Variants in HDAC4 observed in about 807,000 individuals in gnomAD.
HDAC4 encodes the protein histone deacetylase 4, also known as histone deacetylase A.
In HDAC4, 16 loss-of-function variants were observed where a neutral mutation model predicts 135.1. The observed-to-expected ratio is 0.12, with a 90% CI of 0.08 to 0.18. The LOEUF (loss-of-function observed/expected upper bound fraction) is 0.18. Ranked by LOEUF, HDAC4 falls within the 10% of genes least tolerant of loss-of-function variation. The probability of loss-of-function intolerance (pLI) is 1.00; values close to 1 mark genes in which losing one functional copy is unlikely to be tolerated. For missense variants in HDAC4, 1,143 were observed against 1,511.8 expected, an observed-to-expected ratio of 0.76 and a Z score of 4.05; for synonymous variants, 685 against 653.4, an observed-to-expected ratio of 1.05 and a Z score of -0.74.
chr2:239,315,035 C>T (rs986236359), intron 2 of HDAC4, among the ~76,000 whole-genome samples: 7 of 152,192 alleles, frequency 4.6e-5, no homozygotes, highest in African/African-American at 9.7e-5. Context: ...GAGGCTTCGT[C>T]GGCATGGTAA....
At chr2:239,179,531 G>A (rs537090728) in intron 4 of HDAC4, among the ~76,000 whole-genome samples, 35 of 152,238 alleles carry the variant, frequency 2.3e-4, no homozygotes, top group African/African-American at 8.2e-4. Context: ...GTTTCATCCC[G>A]AAACCATTCT....
chr2:239,133,882 C>G (rs1014529370), intron 11 of HDAC4, among the ~76,000 whole-genome samples: 8 of 152,238 alleles, frequency 5.3e-5, no homozygotes, highest in African/African-American at 1.9e-4. Context: ...CTCCCCCAGA[C>G]AGTGCACATT....
chr2:239,199,128 G>A (rs1437708637), intron 3 of HDAC4, among the ~76,000 whole-genome samples: 1 of 114,594 alleles, frequency 8.7e-6, no homozygotes, highest in Admixed American at 1.0e-4. Flanking sequence ...CCCCCACCCC[G>A]ATAATTTATT....
intron 2 of HDAC4, among the ~76,000 whole-genome samples, chr2:239,284,609 T>A (rs1032441890): frequency 6.6e-6 from 1 of 152,156 alleles, no homozygotes; most frequent in East Asian, 1.9e-4. Context: ...AAAGGCAAGA[T>A]GCCCCTGCAT....
intron 2 of HDAC4, among the ~76,000 whole-genome samples, chr2:239,248,234 G>A (rs550039074): frequency 6.6e-6 from 1 of 151,632 alleles, no homozygotes; most frequent in Non-Finnish European, 1.5e-5. Context: ...AGGCTGAAGT[G>A]CAGTGGCGTG....
chr2:239,058,136 G>A (rs1369316192), intron 24 of HDAC4, among the ~76,000 whole-genome samples: 1 of 152,238 alleles, frequency 6.6e-6, no homozygotes, highest in South Asian at 2.1e-4. Flanking sequence ...GGCTGGCCCA[G>A]TCCGGGCTTT....
chr2:239,291,953 C>T (rs561709117), intron 2 of HDAC4, among the ~76,000 whole-genome samples: 1 of 152,356 alleles, frequency 6.6e-6, no homozygotes, highest in Non-Finnish European at 1.5e-5. Context: ...AGCACAGCAA[C>T]TGATGGGGCA....
chr2:239,137,260 C>T (rs950719503), intron 9 of HDAC4, among the ~76,000 whole-genome samples: 6 of 152,332 alleles, frequency 3.9e-5, no homozygotes, highest in African/African-American at 1.2e-4. Context: ...CTGGCGCCCC[C>T]GGACCGCATC....
At chr2:239,258,148 A>G (rs2125057693) in intron 2 of HDAC4, among the ~76,000 whole-genome samples, 1 of 152,288 alleles carries the variant, frequency 6.6e-6, no homozygotes, top group East Asian at 1.9e-4. Flanking sequence ...GAAATTAAGG[A>G]CTCCATCATT....
intron 22 of HDAC4, among the ~76,000 whole-genome samples, chr2:239,074,078 C>T (rs1011814323): frequency 6.7e-6 from 1 of 149,580 alleles, no homozygotes; most frequent in East Asian, 2.0e-4. Flanking sequence ...ACTGAGGGGG[C>T]CACAGGACTG....
At chr2:239,346,592 C>T (rs1255347261) in intron 2 of HDAC4, among the ~76,000 whole-genome samples, 1 of 148,712 alleles carries the variant, frequency 6.7e-6, no homozygotes, top group Non-Finnish European at 1.5e-5. Flanking sequence ...ATAACACACA[C>T]ACCTGTCTAA....
At chr2:239,300,056 T>A (rs2052159554) in intron 2 of HDAC4, among the ~76,000 whole-genome samples, 1 of 152,142 alleles carries the variant, frequency 6.6e-6, no homozygotes, top group Non-Finnish European at 1.5e-5. Context: ...CTAAGTGAAC[T>A]CCTCTAGGGC....
chr2:239,051,134 G>T lies in HDAC4; in HGVS notation c.*1963C>A, dbSNP rs13383500. The T allele has an allele frequency of 0.13, 19,567 of 152,602 alleles. 1,398 individuals are homozygous for T. Among genetic ancestry groups the T allele is most frequent in the Non-Finnish European group, 0.17 (11,309 of 67,998 alleles). The allele number at this position is 152,602 out of a possible 1,614,324, so 9.5% of individuals were successfully genotyped here. On this transcript the variant is annotated 3_prime_UTR_variant, in exon 27 of 27. Transcript: ENST00000543185. ...CCCCGGCATCTGGCAAGCCTCCCAGGGTGGCCGGGCATCCTAAGCAACCCT... is the reference window on the plus strand; with the variant it reads ...CCCCGGCATCTGGCAAGCCTCCCAGTGTGGCCGGGCATCCTAAGCAACCCT...
chr2:239,367,437 A>G (rs1456400397), intron 1 of HDAC4, among the ~76,000 whole-genome samples: 5 of 152,182 alleles, frequency 3.3e-5, no homozygotes, highest in African/African-American at 9.6e-5. Flanking sequence ...CAAATGAGTA[A>G]GCACGTTTTT....
chr2:239,065,817 C>T (rs550208423), intron 24 of HDAC4, among the ~76,000 whole-genome samples: 8 of 152,336 alleles, frequency 5.3e-5, no homozygotes, highest in Non-Finnish European at 7.4e-5. Context: ...GGACACCCAG[C>T]GCAGGCAGCC....
chr2:239,322,517 G>A (rs879409746), intron 2 of HDAC4, among the ~76,000 whole-genome samples: 5 of 152,208 alleles, frequency 3.3e-5, no homozygotes, highest in Non-Finnish European at 5.9e-5. Flanking sequence ...CTCCATCACT[G>A]CCAGCCATAT....
chr2:239,101,152 C>T (rs6755496), intron 16 of HDAC4, among the ~76,000 whole-genome samples: 30,531 of 152,106 alleles, frequency 0.2, 3,220 homozygotes, highest in South Asian at 0.24. Flanking sequence ...CTTCCTACTG[C>T]TGTTCACTCC....
chr2:239,366,779 T>C (rs1279548593), intron 1 of HDAC4, among the ~76,000 whole-genome samples: 1 of 149,640 alleles, frequency 6.7e-6, no homozygotes, highest in Non-Finnish European at 1.5e-5. Flanking sequence ...CCCAGGCAGA[T>C]GGCTGCAACC....
Position 239,262,912 on chromosome 2 carries a change from C to A in HDAC4, c.23-26248G>T, listed in dbSNP as rs536923477. On this transcript the variant is annotated intron_variant, in intron 2 of 26. Coordinates refer to ENST00000543185, the MANE Select transcript of HDAC4 (RefSeq NM_001378414.1). The surrounding 1 kb of genome is among the most constrained non-coding windows in gnomAD (Gnocchi z 4.1). Reference sequence around the variant, plus strand: ...TGGATCCCTCACTGGAAGGTCACGGCACCACTGAGACAGCCTGGAAGCTTC... The same window carrying A: ...TGGATCCCTCACTGGAAGGTCACGGAACCACTGAGACAGCCTGGAAGCTTC... Among the ~76,000 whole-genome samples, 36 of 152,154 alleles carry A rather than the reference C, an allele frequency of 2.4e-4. No individual in the cohort carries two copies. The highest frequency in any genetic ancestry group is 8.7e-4 in the African/African-American group (36 of 41,512).
Sources: allele counts gnomAD v4.1 joint callset (sites outside exome capture counted in the v4.1 genomes callset), GRCh38; gene constraint gnomAD v4.1.1; non-coding constraint Gnocchi (gnomAD v3.1); transcripts MANE v1.5; gene names NCBI Gene and HGNC (gene_info 2026-07-23, HGNC 2026-07-21).